The following FNDC3B variants were observed in gnomAD, a reference collection of about 807,000 sequenced individuals.
FNDC3B encodes fibronectin type III domain-containing protein 3B.
A neutral mutation model predicts 151.5 loss-of-function variants in FNDC3B; 12 were observed. The ratio of observed to expected loss-of-function variants is 0.08; its 90% CI spans 0.05 to 0.13. The LOEUF (loss-of-function observed/expected upper bound fraction) is 0.13. FNDC3B is among the 10% of genes least tolerant of loss of function. The pLI, the probability that FNDC3B is intolerant of heterozygous loss-of-function variation, is 1.00. For synonymous variants in FNDC3B, 528 were observed against 549.0 expected, an observed-to-expected ratio of 0.96 and a Z score of 0.54; for missense variants, 1,214 against 1,505.3, an observed-to-expected ratio of 0.81 and a Z score of 3.20.
chr3:172,246,136 A>G (rs1465807440), intron 4 of FNDC3B, among the ~76,000 whole-genome samples: 1 of 152,224 alleles, frequency 6.6e-6, no homozygotes, highest in South Asian at 2.1e-4. Context: ...CTCCTGAGGT[A>G]TAATGAGAAA....
chr3:172,281,021 C>T (rs1157950499), intron 6 of FNDC3B, among the ~76,000 whole-genome samples: 2 of 151,388 alleles, frequency 1.3e-5, no homozygotes, highest in East Asian at 3.9e-4. Context: ...ACTTGTGTCT[C>T]TAAGCTGAGC....
intron 17 of FNDC3B, 83 bp from the exon 18 acceptor site, chr3:172,342,928 T>G: frequency 1.3e-6 from 1 of 795,730 alleles, no homozygotes; most frequent in Non-Finnish European, 2.2e-6. Context: ...TTTGCAGTTA[T>G]GGGGTGGAAT....
At chr3:172,178,637 CAT>C (rs1214302361) in intron 3 of FNDC3B, among the ~76,000 whole-genome samples, 5 of 152,178 alleles carry the variant, frequency 3.3e-5, no homozygotes, top group Non-Finnish European at 5.9e-5. Flanking sequence ...GAGCTGGACA[CAT>C]GTGGACACTC....
chr3:172,243,870 G>A (rs1294823337), intron 4 of FNDC3B, among the ~76,000 whole-genome samples: 1 of 152,060 alleles, frequency 6.6e-6, no homozygotes, highest in Non-Finnish European at 1.5e-5. Flanking sequence ...TTGAATTTGG[G>A]GACACATAAG....
At chr3:172,070,345 T>C (rs189827371) in intron 1 of FNDC3B, among the ~76,000 whole-genome samples, 72 of 152,306 alleles carry the variant, frequency 4.7e-4, no homozygotes, top group African/African-American at 1.7e-3. Flanking sequence ...ACTCAAGAAT[T>C]ATGATATCAA....
chr3:172,084,312 G>C (rs544570479), intron 1 of FNDC3B, among the ~76,000 whole-genome samples: 1 of 152,030 alleles, frequency 6.6e-6, no homozygotes, highest in Non-Finnish European at 1.5e-5. Flanking sequence ...TTAGCTGGGC[G>C]TGGTGGTGCA....
At chr3:172,157,651 A>G (rs943614535) in intron 3 of FNDC3B, among the ~76,000 whole-genome samples, 3 of 152,174 alleles carry the variant, frequency 2.0e-5, no homozygotes, top group African/African-American at 7.2e-5. Context: ...CACAGGATAT[A>G]AGTTTTTGAG....
chr3:172,044,229 A>G (rs1054540360), intron 1 of FNDC3B, among the ~76,000 whole-genome samples: 4 of 152,060 alleles, frequency 2.6e-5, no homozygotes, highest in African/African-American at 9.7e-5. Flanking sequence ...TTCATTTGCT[A>G]AAAGGAATTT....
intron 6 of FNDC3B, among the ~76,000 whole-genome samples, chr3:172,271,861 G>A (rs575246241): frequency 1.3e-5 from 2 of 152,284 alleles, no homozygotes; most frequent in South Asian, 4.1e-4. Flanking sequence ...CTGACAATTT[G>A]GAACAAGGAT....
intron 1 of FNDC3B, among the ~76,000 whole-genome samples, chr3:172,045,581 A>C (rs1285112110): frequency 2.0e-5 from 3 of 152,216 alleles, no homozygotes; most frequent in Non-Finnish European, 4.4e-5. Context: ...GAGTCTTTGC[A>C]ACCTACCTGC....
At chr3:172,279,168 G>A (rs1246283428) in intron 6 of FNDC3B, among the ~76,000 whole-genome samples, 1 of 133,876 alleles carries the variant, frequency 7.5e-6, no homozygotes, top group Admixed American at 9.4e-5. Context: ...CTGTGAGGGG[G>A]TTAATGTGAA....
intron 23 of FNDC3B, among the ~76,000 whole-genome samples, chr3:172,368,777 G>A (rs1734751360): frequency 6.6e-6 from 1 of 152,178 alleles, no homozygotes; most frequent in African/African-American, 2.4e-5. Flanking sequence ...TTGGAAGGCC[G>A]AGGCAGATGC....
chr3:172,382,334 A>G (rs1230693220), intron 25 of FNDC3B, among the ~76,000 whole-genome samples: 1 of 152,094 alleles, frequency 6.6e-6, no homozygotes, highest in African/African-American at 2.4e-5. Flanking sequence ...TTTCTTGTAA[A>G]TTTGTGTAAG....
At chr3:172,150,985 G>T (rs1018302514) in intron 3 of FNDC3B, among the ~76,000 whole-genome samples, 5 of 152,030 alleles carry the variant, frequency 3.3e-5, no homozygotes. Context: ...CATTTTGTGT[G>T]TATGAAAAAA....
At chr3:172,230,069 A>G (rs1347600283) in intron 4 of FNDC3B, among the ~76,000 whole-genome samples, 1 of 152,200 alleles carries the variant, frequency 6.6e-6, no homozygotes, top group Admixed American at 6.5e-5. Context: ...GAGATACAAA[A>G]TTTTATAACC....
intron 13 of FNDC3B, among the ~76,000 whole-genome samples, chr3:172,331,973 C>CTTGT (rs1472156882): frequency 6.6e-6 from 1 of 151,938 alleles, no homozygotes; most frequent in African/African-American, 2.4e-5. Flanking sequence ...AGGGTTTGTG[C>CTTGT]TTGTTTGTTT....
intron 2 of FNDC3B, among the ~76,000 whole-genome samples, chr3:172,131,424 A>G (rs567982926): frequency 6.6e-6 from 1 of 152,122 alleles, no homozygotes; most frequent in Non-Finnish European, 1.5e-5. Context: ...AAATATTTTA[A>G]TCATTCTAGA....
intron 3 of FNDC3B, among the ~76,000 whole-genome samples, chr3:172,173,942 G>A (rs7653441): frequency 0.057 from 8,706 of 152,284 alleles, 614 homozygotes; most frequent in African/African-American, 0.17. Flanking sequence ...CAGTGTTGAT[G>A]TAGCATGTTT....
At chr3:172,298,049 T>C (rs1730730061) in intron 8 of FNDC3B, among the ~76,000 whole-genome samples, 1 of 152,244 alleles carries the variant, frequency 6.6e-6, no homozygotes, top group South Asian at 2.1e-4. Flanking sequence ...CTCTTTAGCC[T>C]TCTTTAATTT....
Sources: gnomAD v4.1 joint callset for allele counts (sites outside exome capture counted in the v4.1 genomes callset) on GRCh38, gnomAD v4.1.1 for gene constraint, MANE v1.5 for transcripts, NCBI Gene and HGNC (gene_info 2026-07-23, HGNC 2026-07-21) for gene names.